KCTD8: variants seen among roughly 807,000 people sequenced by gnomAD.
KCTD8 encodes the protein BTB/POZ domain-containing protein KCTD8.
Under a neutral mutation model 31.5 loss-of-function variants are expected in KCTD8, and 27 were observed. The observed-to-expected ratio is 0.86, with a 90% CI of 0.63 to 1.18. KCTD8 has a LOEUF of 1.18. Among genes scored for constraint, KCTD8 ranks in the 50% most tolerant of loss-of-function variants. KCTD8 has a pLI of 0.00. For missense variants in KCTD8, 658 were observed against 647.7 expected (o/e 1.02, Z -0.17); for synonymous variants, 290 against 280.0 (o/e 1.04, Z -0.36).
chr4:44,248,116 A>G (rs942045118), intron 1 of KCTD8, among the ~76,000 whole-genome samples: 1 of 151,946 alleles, frequency 6.6e-6, no homozygotes, highest in African/African-American at 2.4e-5. Context: ...CACTTACATG[A>G]CAATAATTTT....
intron 1 of KCTD8, among the ~76,000 whole-genome samples, chr4:44,323,915 G>A (rs1718373361): frequency 6.6e-6 from 1 of 151,858 alleles, no homozygotes; most frequent in Admixed American, 6.6e-5. Flanking sequence ...TTCTAGGAGG[G>A]ATAGCATTGG....
chr4:44,227,010 G>A (rs923884668), intron 1 of KCTD8, among the ~76,000 whole-genome samples: 3 of 151,992 alleles, frequency 2.0e-5, no homozygotes, highest in African/African-American at 7.2e-5. Flanking sequence ...TCTGATGATA[G>A]TTTCATTTGC....
intron 1 of KCTD8, among the ~76,000 whole-genome samples, chr4:44,402,599 C>T (rs193285285): frequency 1.6e-3 from 242 of 152,252 alleles, no homozygotes; most frequent in African/African-American, 5.2e-3. Context: ...AGTTTCAAGT[C>T]TCCATCCTAG....
At chr4:44,228,517 T>C (rs1404053627) in intron 1 of KCTD8, among the ~76,000 whole-genome samples, 1 of 152,224 alleles carries the variant, frequency 6.6e-6, no homozygotes, top group Non-Finnish European at 1.5e-5. Context: ...ATGCAAGCCA[T>C]ATGGCTTCCA....
chr4:44,207,421 G>A (rs752847813), intron 1 of KCTD8, among the ~76,000 whole-genome samples: 7 of 151,878 alleles, frequency 4.6e-5, no homozygotes, highest in South Asian at 2.1e-4. Context: ...TTCATTTTAC[G>A]TTTCTTGTTC....
In KCTD8 at chr4:44,259,213, GT is replaced by G. The variant is rs111239095; in HGVS notation, c.962-83964del. Among the ~76,000 whole-genome samples the G allele has an allele frequency of 9.2e-3, 1,373 of 149,648 alleles. 18 individuals are homozygous for G. The highest frequency in any genetic ancestry group is 0.031 in the African/African-American group (1,279 of 40,832). On this transcript the variant is annotated intron_variant, in intron 1 of 1. Coordinates refer to ENST00000360029, the MANE Select transcript of KCTD8 (RefSeq NM_198353.3). ...TGTTTTGATCATTGTTTGCTTTGTG[GT>G]TTTTTTTTCAGAGTGGCAATACATG... is the stretch of plus-strand genomic sequence containing the variant.
At chr4:44,293,894 A>G (rs962286784) in intron 1 of KCTD8, 2 of 420,386 alleles carry the variant, frequency 4.8e-6, no homozygotes, top group Non-Finnish European at 9.5e-6. Context: ...TATTGCATAG[A>G]GAATGAGATA....
rs551044443 is a variant in KCTD8, at chr4:44,220,729, G to C, written c.962-45479C>G. 2.0e-5 allele frequency among the ~76,000 whole-genome samples: 3 copies of C among 152,164 alleles called. No individual in the cohort carries two copies. In the South Asian group the frequency reaches 6.2e-4, roughly 32 times the overall value. ...AAAGTGGAAAGTTTAGGGGTATTTAGGGTAAAGAATTAATTACTCTGGTAT... is the reference window on the plus strand; with the variant it reads ...AAAGTGGAAAGTTTAGGGGTATTTACGGTAAAGAATTAATTACTCTGGTAT... On this transcript the variant is annotated intron_variant, in intron 1 of 1. Coordinates refer to ENST00000360029, the MANE Select transcript of KCTD8 (RefSeq NM_198353.3).
chr4:44,303,721 C>A (rs1674970215), intron 1 of KCTD8, among the ~76,000 whole-genome samples: 1 of 151,596 alleles, frequency 6.6e-6, no homozygotes, highest in African/African-American at 2.4e-5. Context: ...GAGGCTAAGG[C>A]AGAATTGCTT....
rs1003415049 is a variant in KCTD8 at position 44,447,763 on chromosome 4, T to C, written c.761A>G (p.Glu254Gly). 1 of 1,611,494 alleles carries C rather than the reference T, an allele frequency of 6.2e-7. No individual in the cohort carries two copies. Among genetic ancestry groups the C allele is most frequent in the Non-Finnish European group, 8.5e-7 (1 of 1,178,916 alleles). ...AKEVFGDTLN[E>G]SRDPDRQPEK... ...CGGCTGCCGGTCGGGGTCGCGGCTC[T>C]CGTTGAGCGTGTCCCCGAAGACCTC... Residue 254 changes from glutamate to glycine, a missense_variant, in exon 1 of 2, where the codon GAG (glutamate) becomes GGG (glycine). Physicochemically the swap from Glu to Gly is moderately conservative, Grantham distance 98. Coordinates refer to ENST00000360029, the MANE Select transcript of KCTD8 (RefSeq NM_198353.3).
Position 44,174,487 on chromosome 4 carries a change from C to T in KCTD8, c.*303G>A. Reference sequence around the variant, plus strand: ...AAAATGACAAACATATCCAGTTGACCAGAGTTCAAAAACCAAGATACTAAG... The same window carrying T: ...AAAATGACAAACATATCCAGTTGACTAGAGTTCAAAAACCAAGATACTAAG... On this transcript the variant is annotated 3_prime_UTR_variant, in exon 2 of 2. Transcript: ENST00000360029. 4.3e-6 allele frequency: 1 copy of T among 234,924 alleles called. No individual in the cohort carries two copies. The highest frequency in any genetic ancestry group is 8.2e-6 in the Non-Finnish European group (1 of 122,238). The allele number at this position is 234,924 out of a possible 1,614,324, so 14.6% of individuals were successfully genotyped here.
In KCTD8 at chr4:44,221,243, G is replaced by A. The variant is rs577368542; in HGVS notation, c.962-45993C>T. Among the ~76,000 whole-genome samples the A allele has an allele frequency of 2.0e-5, 3 of 152,226 alleles. No homozygotes were observed. The South Asian group carries it at 6.2e-4, about 32-fold the overall frequency. Reference sequence around the variant, plus strand: ...TTAAGCTTTGACAGCCCAGGATGGTGGAACATTGCAGGAGGAATGATGGGG... The same window carrying A: ...TTAAGCTTTGACAGCCCAGGATGGTAGAACATTGCAGGAGGAATGATGGGG... On this transcript the variant is annotated intron_variant, in intron 1 of 1. Coordinates refer to ENST00000360029, the MANE Select transcript of KCTD8 (RefSeq NM_198353.3).
At chr4:44,219,675 G>A (rs1040785746) in intron 1 of KCTD8, among the ~76,000 whole-genome samples, 2 of 152,172 alleles carry the variant, frequency 1.3e-5, no homozygotes, top group Admixed American at 6.5e-5. Flanking sequence ...CCAGAACTAT[G>A]AGAGAATAAA....
chr4:44,343,368 GCT>G (rs1233329441), intron 1 of KCTD8, among the ~76,000 whole-genome samples: 26 of 152,272 alleles, frequency 1.7e-4, no homozygotes, highest in African/African-American at 5.8e-4. Context: ...TACTGATTAA[GCT>G]CACTGTCTTC....
chr4:44,394,083 G>A (rs1218093131), intron 1 of KCTD8, among the ~76,000 whole-genome samples: 1 of 151,918 alleles, frequency 6.6e-6, no homozygotes, highest in African/African-American at 2.4e-5. Context: ...TCATTAGGAA[G>A]TGCTGAAAAT....
At chr4:44,406,253 C>T (rs1402277274) in intron 1 of KCTD8, among the ~76,000 whole-genome samples, 1 of 152,118 alleles carries the variant, frequency 6.6e-6, no homozygotes, top group Non-Finnish European at 1.5e-5. Flanking sequence ...AAATACAACT[C>T]AGACCATCAT....
At chr4:44,437,324 A>G (rs1200279847) in intron 1 of KCTD8, among the ~76,000 whole-genome samples, 2 of 152,198 alleles carry the variant, frequency 1.3e-5, no homozygotes, top group Non-Finnish European at 2.9e-5. Flanking sequence ...GGCAATGCAC[A>G]TATCTTACAA....
At chr4:44,179,150 CT>C (rs778241448) in intron 1 of KCTD8, among the ~76,000 whole-genome samples, 15 of 149,778 alleles carry the variant, frequency 1.0e-4, no homozygotes, top group South Asian at 4.3e-4. Flanking sequence ...CCTACACTAG[CT>C]TTTTTTTTTC....
At chr4:44,295,805 G>A (rs1305634403) in intron 1 of KCTD8, among the ~76,000 whole-genome samples, 3 of 152,096 alleles carry the variant, frequency 2.0e-5, no homozygotes, top group Non-Finnish European at 4.4e-5. Context: ...TGGGAATCAA[G>A]TTTCTAACAA....
Sources: allele counts gnomAD v4.1 joint callset (sites outside exome capture counted in the v4.1 genomes callset), GRCh38; gene constraint gnomAD v4.1.1; transcripts MANE v1.5; gene names NCBI Gene and HGNC (gene_info 2026-07-23, HGNC 2026-07-21).